DLGAP2: variants seen among roughly 807,000 people sequenced by gnomAD.
DLGAP2 encodes disks large-associated protein 2.
DLGAP2 carries 26 observed loss-of-function variants against 100.3 expected under a neutral mutation model. The observed-to-expected ratio is 0.26, with a 90% CI of 0.19 to 0.36. The LOEUF (loss-of-function observed/expected upper bound fraction) is 0.36, where lower values mean the gene tolerates loss of function less well. Among genes scored for constraint, DLGAP2 ranks in the 10% least tolerant of loss-of-function variants. The pLI is 1.00. For synonymous variants in DLGAP2, 886 were observed against 630.1 expected (o/e 1.41, Z -6.08); for missense variants, 1,858 against 1,453.2 (o/e 1.28, Z -4.53).
chr8:1,308,944 A>G (rs1261054853), intron 3 of DLGAP2, among the ~76,000 whole-genome samples: 3 of 152,216 alleles, frequency 2.0e-5, no homozygotes, highest in Non-Finnish European at 1.5e-5. Context: ...AACAGCAGAC[A>G]TTCTGGAGAA....
At chr8:940,292 G>A (rs904280505) in intron 2 of DLGAP2, among the ~76,000 whole-genome samples, 1 of 152,010 alleles carries the variant, frequency 6.6e-6, no homozygotes, top group African/African-American at 2.4e-5. Flanking sequence ...GCAGAGGCAC[G>A]AAAACCAATG....
At chr8:883,703 G>A (rs1797864047) in intron 1 of DLGAP2, among the ~76,000 whole-genome samples, 1 of 151,968 alleles carries the variant, frequency 6.6e-6, no homozygotes, top group African/African-American at 2.4e-5. Flanking sequence ...GTAGGTGCGC[G>A]TGTGCCGCGG....
At chr8:1,547,763 G>A (rs994151898) in intron 4 of DLGAP2, among the ~76,000 whole-genome samples, 1 of 152,182 alleles carries the variant, frequency 6.6e-6, no homozygotes, top group African/African-American at 2.4e-5. Context: ...GGCCGCAGAA[G>A]GACACAGGGA....
At chr8:1,110,164 G>A (rs111898105) in intron 2 of DLGAP2, among the ~76,000 whole-genome samples, 1,941 of 145,720 alleles carry the variant, frequency 0.013, 50 homozygotes, top group African/African-American at 0.048. Flanking sequence ...AGGTGTGCAC[G>A]GGTCTGTGAG....
At chr8:1,448,447 A>C (rs1211008590) in intron 3 of DLGAP2, among the ~76,000 whole-genome samples, 1 of 152,180 alleles carries the variant, frequency 6.6e-6, no homozygotes, top group Non-Finnish European at 1.5e-5. Flanking sequence ...CTGTGGTCTG[A>C]GAGACAGTTT....
chr8:1,084,705 A>G (rs1803918097), intron 2 of DLGAP2, among the ~76,000 whole-genome samples: 1 of 152,216 alleles, frequency 6.6e-6, no homozygotes, highest in Non-Finnish European at 1.5e-5. Context: ...AATGACAGAC[A>G]TTCTTTCCTT....
chr8:981,775 T>G (rs1455769541), intron 2 of DLGAP2, among the ~76,000 whole-genome samples: 1 of 152,214 alleles, frequency 6.6e-6, no homozygotes, highest in East Asian at 1.9e-4. Context: ...TGCTAATGTG[T>G]TGTTGACTTG....
intron 3 of DLGAP2, among the ~76,000 whole-genome samples, chr8:1,449,052 C>T (rs1295461940): frequency 1.3e-5 from 2 of 152,224 alleles, no homozygotes; most frequent in Non-Finnish European, 2.9e-5. Context: ...AGGGACGGCA[C>T]ATCCCGGCCC....
At chr8:1,577,940 G>C (rs1803060165) in intron 6 of DLGAP2, among the ~76,000 whole-genome samples, 1 of 152,232 alleles carries the variant, frequency 6.6e-6, no homozygotes, top group Non-Finnish European at 1.5e-5. Flanking sequence ...CCAGAGGCAA[G>C]GTGTGGAAAT....
chr8:1,153,184 G>A (rs560685716), intron 2 of DLGAP2, among the ~76,000 whole-genome samples: 29 of 152,156 alleles, frequency 1.9e-4, no homozygotes, highest in African/African-American at 6.0e-4. Context: ...GGCTCCGAGC[G>A]GTGTGGCAGG....
At chr8:1,326,416 A>C (rs2117048959) in intron 3 of DLGAP2, among the ~76,000 whole-genome samples, 1 of 152,346 alleles carries the variant, frequency 6.6e-6, no homozygotes, top group Middle Eastern at 3.4e-3. Context: ...ACTGATGAGC[A>C]AGGAAGAAAT....
intron 3 of DLGAP2, among the ~76,000 whole-genome samples, chr8:1,486,097 C>T (rs761492649): frequency 1.3e-5 from 2 of 152,146 alleles, no homozygotes; most frequent in South Asian, 2.1e-4. Flanking sequence ...GCTCGCGTCC[C>T]GTGCTCTGCC....
intron 2 of DLGAP2, among the ~76,000 whole-genome samples, chr8:1,071,924 T>C (rs1803442649): frequency 6.6e-6 from 1 of 152,130 alleles, no homozygotes; most frequent in South Asian, 2.1e-4. Context: ...CTCGTGTCAG[T>C]CTGGTTAAGT....
At chr8:1,286,834 G>A (rs542363229) in intron 3 of DLGAP2, among the ~76,000 whole-genome samples, 9 of 152,370 alleles carry the variant, frequency 5.9e-5, no homozygotes, top group South Asian at 4.1e-4. Context: ...TTGTTAGGCC[G>A]TATGGGGAAA....
intron 2 of DLGAP2, among the ~76,000 whole-genome samples, chr8:1,063,392 C>T (rs1022437422): frequency 1.3e-5 from 2 of 152,104 alleles, no homozygotes; most frequent in African/African-American, 4.8e-5. Context: ...GGGGTTGTAC[C>T]GTCCACAAAG....
intron 3 of DLGAP2, among the ~76,000 whole-genome samples, chr8:1,482,520 G>A (rs2130250500): frequency 6.6e-6 from 1 of 152,318 alleles, no homozygotes; most frequent in Non-Finnish European, 1.5e-5. Flanking sequence ...TTTTTTACAC[G>A]GTAGTCCTGC....
intron 2 of DLGAP2, among the ~76,000 whole-genome samples, chr8:1,102,893 C>G (rs1231551981): frequency 6.6e-6 from 1 of 151,320 alleles, no homozygotes; most frequent in Non-Finnish European, 1.5e-5. Context: ...TTTCTGGGGT[C>G]TTCATGAGTT....
At chr8:1,372,001 G>A (rs1399260338) in intron 3 of DLGAP2, among the ~76,000 whole-genome samples, 1 of 152,246 alleles carries the variant, frequency 6.6e-6, no homozygotes, top group Non-Finnish European at 1.5e-5. Flanking sequence ...TTTCAATGCT[G>A]CAGGTCAACT....
At chr8:1,646,028 T>C (rs1470014512) in intron 8 of DLGAP2, among the ~76,000 whole-genome samples, 1 of 152,036 alleles carries the variant, frequency 6.6e-6, no homozygotes, top group Middle Eastern at 3.2e-3. Flanking sequence ...GATGGTGGAG[T>C]TCATGTGGCA....
Sources: gnomAD v4.1 joint callset for allele counts (sites outside exome capture counted in the v4.1 genomes callset) on GRCh38, gnomAD v4.1.1 for gene constraint, MANE v1.5 for transcripts, NCBI Gene and HGNC (gene_info 2026-07-23, HGNC 2026-07-21) for gene names.